DIAPH2: variants seen among roughly 807,000 people sequenced by gnomAD.
The protein encoded by DIAPH2 is diaphanous related formin 2.
A neutral mutation model predicts 92.7 loss-of-function variants in DIAPH2; 35 were observed. The observed-to-expected ratio is 0.38, with a 90% CI of 0.29 to 0.50. The LOEUF (loss-of-function observed/expected upper bound fraction) is 0.50. Among genes scored for constraint, DIAPH2 ranks in the 20% least tolerant of loss-of-function variants. The pLI is 0.94. For synonymous variants in DIAPH2, 301 were observed against 280.4 expected (o/e 1.07, Z -0.73); for missense variants, 701 against 819.5 (o/e 0.86, Z 1.77).
At chrX:96,732,223 T>C (rs959264841) in intron 1 of DIAPH2, among the ~76,000 whole-genome samples, 3 of 111,835 alleles carry the variant, frequency 2.7e-5, no homozygotes, top group Non-Finnish European at 5.6e-5. Flanking sequence ...TATACCTTTC[T>C]TTTTTGACTA....
chrX:97,267,838 C>G (rs1320366665), intron 23 of DIAPH2, among the ~76,000 whole-genome samples: 1 of 111,531 alleles, frequency 9.0e-6, no homozygotes, highest in South Asian at 3.8e-4. Flanking sequence ...ATAGTACCCA[C>G]GTGACTTATA....
At chrX:97,440,474 C>A (rs1024549897) in intron 26 of DIAPH2, among the ~76,000 whole-genome samples, 2 of 109,226 alleles carry the variant, frequency 1.8e-5, no homozygotes, top group African/African-American at 6.7e-5. Flanking sequence ...CACCTGTAAT[C>A]CCAGCCACTC....
chrX:97,275,035 C>T (rs2147590672), intron 23 of DIAPH2, among the ~76,000 whole-genome samples: 1 of 112,018 alleles, frequency 8.9e-6, no homozygotes, highest in Admixed American at 9.4e-5. Context: ...CTCCCATGTC[C>T]ACTTCTTTCT....
At chrX:97,515,184 C>T (rs906497190) in intron 26 of DIAPH2, among the ~76,000 whole-genome samples, 2 of 112,535 alleles carry the variant, frequency 1.8e-5, no homozygotes, top group Admixed American at 9.3e-5. Context: ...TAGGACCCTC[C>T]GAGCCAGGTG....
chrX:96,727,355 AACGCCT>A (rs1366205468), intron 1 of DIAPH2, among the ~76,000 whole-genome samples: 1 of 112,283 alleles, frequency 8.9e-6, no homozygotes, highest in Non-Finnish European at 1.9e-5. Flanking sequence ...AAATCATAAG[AACGCCT>A]AGTGGTTTTC....
chrX:97,576,639 A>AAAG (rs1406949258), intron 26 of DIAPH2, among the ~76,000 whole-genome samples: 8 of 111,514 alleles, frequency 7.2e-5, no homozygotes. Context: ...ATTCATAAAC[A>AAAG]AAGTAATCAT....
intron 26 of DIAPH2, among the ~76,000 whole-genome samples, chrX:97,581,121 C>A (rs1466806046): frequency 9.8e-6 from 1 of 102,522 alleles, no homozygotes; most frequent in Non-Finnish European, 2.0e-5. Flanking sequence ...AAAAAACCAG[C>A]TCCTGGATTC....
In DIAPH2 at chrX:96,740,310, C is replaced by G. The variant is rs1005148177; in HGVS notation, c.342+1548C>G. 8.3e-4 allele frequency among the ~76,000 whole-genome samples: 93 copies of G among 112,126 alleles called. 1 individual carries two copies. The highest frequency in any genetic ancestry group is 2.8e-3 in the African/African-American group (87 of 30,891). ...CTAGTATTTTCTGATTACCTAGATA[C>G]CCCTCAGTTTATCACCCTGGTGTCC... On this transcript the variant is annotated intron_variant, in intron 3 of 26. Transcript: ENST00000324765.
intron 26 of DIAPH2, among the ~76,000 whole-genome samples, chrX:97,444,574 A>G (rs1281355805): frequency 9.0e-6 from 1 of 111,573 alleles, no homozygotes; most frequent in Non-Finnish European, 1.9e-5. Flanking sequence ...GAGCTAAACT[A>G]TGAAGGAATG....
At chrX:97,352,003 G>A (rs2069219965) in intron 24 of DIAPH2, among the ~76,000 whole-genome samples, 1 of 110,627 alleles carries the variant, frequency 9.0e-6, no homozygotes, top group African/African-American at 3.3e-5. Context: ...CTCTCCCAGG[G>A]GAGGGAAGAA....
intron 4 of DIAPH2, among the ~76,000 whole-genome samples, chrX:96,787,877 T>A (rs190955791): frequency 1.2e-3 from 127 of 103,772 alleles, no homozygotes; most frequent in African/African-American, 4.1e-3. Flanking sequence ...TTTTTTTTTT[T>A]ATTTTTTATT....
At chrX:97,460,632 C>G (rs139450621) in intron 26 of DIAPH2, among the ~76,000 whole-genome samples, 1,226 of 111,675 alleles carry the variant, frequency 0.011, 16 homozygotes, top group African/African-American at 0.038. Flanking sequence ...GAATTGGAAG[C>G]CTGTGGAGGC....
chrX:97,234,872 G>A (rs1328342125), intron 22 of DIAPH2, among the ~76,000 whole-genome samples: 2 of 111,808 alleles, frequency 1.8e-5, no homozygotes, highest in East Asian at 2.8e-4. Flanking sequence ...ATGTCTATTT[G>A]AGGAACTTCT....
rs1602424115 is a variant in DIAPH2 at position 96,685,116 on chromosome X, G to A, written c.58G>A (p.Gly20Arg). 9.8e-7 allele frequency: 1 copy of A among 1,016,926 alleles called. No homozygotes were observed. The highest frequency in any genetic ancestry group is 1.3e-6 in the Non-Finnish European group (1 of 795,131). The allele number at this position is 1,016,926 out of a possible 1,213,427, so 83.8% of individuals were successfully genotyped here. Residue 20 changes from glycine to arginine, a missense_variant, in exon 1 of 27, where the codon GGG becomes AGG. Gly to Arg is a moderately radical substitution (Grantham distance 125). Transcript: ENST00000324765. ...GAGGGSEEPG[G>R]GRSNKRSAGN... Reference sequence around the variant, plus strand: ...GGGAGGCGGCAGCGAGGAACCCGGTGGGGGCCGGAGCAACAAGCGGAGCGC... The same window carrying A: ...GGGAGGCGGCAGCGAGGAACCCGGTAGGGGCCGGAGCAACAAGCGGAGCGC...
At chrX:96,751,746 C>T (rs1226640392) in intron 3 of DIAPH2, among the ~76,000 whole-genome samples, 8 of 73,082 alleles carry the variant, frequency 1.1e-4, no homozygotes, top group African/African-American at 3.3e-4. Flanking sequence ...CTCCGCCTCC[C>T]GGGTTCACGC....
chrX:96,910,618 A>G (rs1042426780), intron 5 of DIAPH2, among the ~76,000 whole-genome samples: 81 of 111,374 alleles, frequency 7.3e-4, no homozygotes, highest in African/African-American at 2.6e-3. Flanking sequence ...GTTCTTGGGT[A>G]GTATGAGATT....
chrX:97,187,281 C>CATTTTTTTTTTTT (rs2067613281), intron 22 of DIAPH2, among the ~76,000 whole-genome samples: 1 of 36,889 alleles, frequency 2.7e-5, no homozygotes, highest in Non-Finnish European at 4.4e-5. Flanking sequence ...ATTAAGTAGC[C>CATTTTTTTTTTTT]TTTTTTTTTT....
chrX:96,992,416 C>T (rs972454401), intron 17 of DIAPH2, among the ~76,000 whole-genome samples: 10 of 111,988 alleles, frequency 8.9e-5, no homozygotes, highest in African/African-American at 3.2e-4. Flanking sequence ...GTCATAGTCC[C>T]TTTAATACTT....
chrX:97,283,577 AT>A (rs2068515912), intron 23 of DIAPH2, among the ~76,000 whole-genome samples: 1 of 112,418 alleles, frequency 8.9e-6, no homozygotes, highest in African/African-American at 3.2e-5. Context: ...ATTTCTACAC[AT>A]TTATGCTTAT....
Sources: allele counts gnomAD v4.1 joint callset (sites outside exome capture counted in the v4.1 genomes callset), GRCh38; gene constraint gnomAD v4.1.1; transcripts MANE v1.5; gene names NCBI Gene and HGNC (gene_info 2026-07-23, HGNC 2026-07-21).